Variants in MACF1 observed in about 807,000 individuals in gnomAD.
MACF1 encodes microtubule-actin cross-linking factor 1.
A neutral mutation model predicts 854.8 loss-of-function variants in MACF1; 193 were observed. The observed-to-expected ratio is 0.23, with a 90% CI of 0.20 to 0.25. The LOEUF is 0.25. Among genes scored for constraint, MACF1 ranks in the 10% least tolerant of loss-of-function variants. MACF1 has a pLI of 1.00. For missense variants in MACF1, 7,722 were observed against 8,929.1 expected (o/e 0.86, Z 5.45); for synonymous variants, 3,185 against 3,226.7 (o/e 0.99, Z 0.44).
At chr1:39,413,027 C>T (rs1160185290) in intron 58 of MACF1, 2 of 1,583,634 alleles carry the variant, frequency 1.3e-6, no homozygotes, top group South Asian at 1.1e-5. Flanking sequence ...GAAGGGACTG[C>T]TGCAGTTGCT....
intron 2 of MACF1, among the ~76,000 whole-genome samples, chr1:39,092,443 G>A (rs1483947035): frequency 1.3e-5 from 2 of 152,210 alleles, no homozygotes; most frequent in Non-Finnish European, 2.9e-5. Flanking sequence ...CTGGGAAGTA[G>A]TTGCTATTCT....
chr1:39,392,540 T>C (rs1170578820), intron 58 of MACF1, among the ~76,000 whole-genome samples: 2 of 152,200 alleles, frequency 1.3e-5, no homozygotes, highest in Admixed American at 6.5e-5. Flanking sequence ...GGAATCATAC[T>C]TTTAGCACAG....
At chr1:39,219,148 C>A (rs1169876277) in intron 1 of MACF1, among the ~76,000 whole-genome samples, 1 of 152,236 alleles carries the variant, frequency 6.6e-6, no homozygotes, top group African/African-American at 2.4e-5. Context: ...AACCCCAAAT[C>A]TCAATCCTCA....
At position 39,361,424 on chromosome 1, in the gene MACF1, G is replaced by A. The variant is rs530265028; in HGVS notation, c.12518G>A (p.Arg4173Gln). The stretch of plus-strand genomic sequence containing the variant: ...GAGGCCACCCGTGAGATGGTGACCC[G>A]ATTCATGGAGACAGCAGACAGTACT... Reference protein sequence around the residue: ...SLEATREMVTRFMETADSTTA... With the variant: ...SLEATREMVTQFMETADSTTA... Residue 4173 changes from arginine to glutamine, a missense_variant, in exon 49 of 101, where the codon CGA (arginine) becomes CAA (glutamine). This residue lies in a region of MACF1 where 2,807 missense variants were observed against 3,235.8 expected (regional missense o/e 0.87). Coordinates refer to ENST00000564288, the MANE Select transcript of MACF1 (RefSeq NM_001394062.1). The A allele has an allele frequency of 4.3e-5, 69 of 1,614,138 alleles. No homozygotes were observed. Among genetic ancestry groups the A allele is most frequent in the East Asian group, 1.6e-4 (7 of 44,884 alleles).
chr1:39,437,666 C>T (rs892440380), intron 70 of MACF1, 111 bp from the exon 71 acceptor site: 2 of 931,976 alleles, frequency 2.1e-6, no homozygotes, highest in African/African-American at 3.2e-5. Context: ...CTAAACTGAG[C>T]ACAGGTTATC....
chr1:39,206,858 T>C (rs1348401949), intron 1 of MACF1: 1 of 152,194 alleles, frequency 6.6e-6, no homozygotes, highest in African/African-American at 2.4e-5. Flanking sequence ...ATGTACACTC[T>C]AATTACCTGC....
At position 39,382,276 on chromosome 1, in the gene MACF1, G is replaced by T; in HGVS notation, c.13848+124G>T. On this transcript the variant is annotated intron_variant, in intron 56 of 100. Coordinates refer to ENST00000564288, the MANE Select transcript of MACF1 (RefSeq NM_001394062.1). Reference sequence around the variant, plus strand: ...AATCTCTCAGAGTCTCAGTTTAAATGAGGTATTTATAAGGTGTTAATCATG... The same window carrying T: ...AATCTCTCAGAGTCTCAGTTTAAATTAGGTATTTATAAGGTGTTAATCATG... 5 of 896,702 alleles carry T rather than the reference G, an allele frequency of 5.6e-6. No individual in the cohort carries two copies. The South Asian group carries it at 6.6e-5, about 12-fold the overall frequency. 55.5% of individuals were successfully genotyped at this position (896,702 alleles called of 1,614,324 possible). A position where few individuals can be genotyped will look rare whatever the true frequency, so the allele number is the denominator to read the frequency against.
intron 2 of MACF1, among the ~76,000 whole-genome samples, chr1:39,098,845 AGCAG>A (rs1277166846): frequency 6.6e-6 from 1 of 152,192 alleles, no homozygotes; most frequent in Non-Finnish European, 1.5e-5. Flanking sequence ...GCAGCATGAG[AGCAG>A]GCAAAGGCTT....
intron 1 of MACF1, among the ~76,000 whole-genome samples, chr1:39,216,473 A>C (rs1239763726): frequency 6.6e-6 from 1 of 152,170 alleles, no homozygotes; most frequent in Admixed American, 6.5e-5. Flanking sequence ...AAATAGGCAG[A>C]TTTTCATTAA....
chr1:39,443,328 T>C, intron 78 of MACF1, 118 bp from the exon 79 acceptor site: 3 of 1,030,054 alleles, frequency 2.9e-6, no homozygotes, highest in Non-Finnish European at 4.2e-6. Context: ...AGAACAGCTT[T>C]GCCAGAGAGC....
chr1:39,125,174 T>TA (rs889682146), intron 2 of MACF1, among the ~76,000 whole-genome samples: 6 of 152,188 alleles, frequency 3.9e-5, no homozygotes, highest in Non-Finnish European at 8.8e-5. Context: ...ATGAGATTTG[T>TA]AAAGTCTGTT....
At chr1:39,439,239 A>G in intron 71 of MACF1, 35 bp from the exon 72 acceptor site, 1 of 1,310,896 alleles carries the variant, frequency 7.6e-7, no homozygotes, top group African/African-American at 1.4e-5. Flanking sequence ...CTCTTCAGAA[A>G]GTCCTATTCA....
At chr1:39,259,676 G>A (rs1226964541) in intron 6 of MACF1, among the ~76,000 whole-genome samples, 1 of 151,802 alleles carries the variant, frequency 6.6e-6, no homozygotes, top group Admixed American at 6.6e-5. Context: ...GGGCTAGAGT[G>A]CAATGGTGCA....
chr1:39,215,384 G>C (rs967826406), intron 1 of MACF1: 3 of 152,390 alleles, frequency 2.0e-5, no homozygotes, highest in African/African-American at 7.2e-5. Context: ...TTACCAAGAT[G>C]AACACGAGTT....
At chr1:39,315,319 C>G (rs577287323) in intron 26 of MACF1, among the ~76,000 whole-genome samples, 194 bp from the exon 27 acceptor site, 1 of 152,308 alleles carries the variant, frequency 6.6e-6, no homozygotes, top group East Asian at 1.9e-4. Flanking sequence ...CCACTTAATT[C>G]ACAGAAATCT....
intron 2 of MACF1, among the ~76,000 whole-genome samples, chr1:39,099,317 G>A (rs1360237683): frequency 3.9e-5 from 6 of 152,086 alleles, no homozygotes; most frequent in South Asian, 2.1e-4. Context: ...CATCACGCCC[G>A]GCTAATTTTT....
intron 2 of MACF1, among the ~76,000 whole-genome samples, chr1:39,185,715 G>C (rs1308938260): frequency 6.6e-6 from 1 of 152,150 alleles, no homozygotes; most frequent in African/African-American, 2.4e-5. Flanking sequence ...CAGATCTTTG[G>C]AGTAGGATAA....
chr1:39,287,524 T>C lies in MACF1; in HGVS notation c.1747T>C (p.Phe583Leu), dbSNP rs758190336. ...SSSEDEGNLR[F>L]VYELLSWVEE... The stretch of plus-strand genomic sequence containing the variant: ...CTCTGAAGATGAAGGCAATCTCCGA[T>C]TTGTGTATGAACTACTGTCTTGGGT... The change falls in exon 15 of 101, where the codon TTT becomes CTT. Residue 583 changes from phenylalanine to leucine, a missense_variant. Transcript: ENST00000564288. 1.9e-6 allele frequency: 3 copies of C among 1,614,200 alleles called. No individual in the cohort carries two copies. The highest frequency in any genetic ancestry group is 2.2e-5 in the South Asian group (2 of 91,078).
intron 2 of MACF1, among the ~76,000 whole-genome samples, chr1:39,123,117 C>G (rs796842148): frequency 4.6e-5 from 7 of 151,564 alleles, no homozygotes; most frequent in African/African-American, 1.7e-4. Flanking sequence ...TTGTAGTAAT[C>G]AGAAGCAGAA....
Sources: gnomAD v4.1 joint callset for allele counts (sites outside exome capture counted in the v4.1 genomes callset) on GRCh38, gnomAD v4.1.1 for gene constraint, gnomAD v4.1.1 regional missense constraint, MANE v1.5 for transcripts, NCBI Gene and HGNC (gene_info 2026-07-23, HGNC 2026-07-21) for gene names.